Variants in PMFBP1 observed in about 807,000 individuals in gnomAD.
PMFBP1 encodes polyamine modulated factor 1 binding protein 1, also known as polyamine-modulated factor 1-binding protein 1.
In PMFBP1, 131 loss-of-function variants were observed where a neutral mutation model predicts 137.8. That is an observed-to-expected ratio of 0.95 (90% confidence interval 0.82 to 1.10). The LOEUF (loss-of-function observed/expected upper bound fraction) is 1.10, where lower values mean the gene tolerates loss of function less well. PMFBP1 is among the 50% of genes least tolerant of loss of function. The probability of loss-of-function intolerance (pLI) is 0.00; values close to 1 mark genes in which losing one functional copy is unlikely to be tolerated. For synonymous variants in PMFBP1, 490 were observed against 450.4 expected, an observed-to-expected ratio of 1.09 and a Z score of -1.11; for missense variants, 1,199 against 1,175.4, an observed-to-expected ratio of 1.02 and a Z score of -0.29.
At chr16:72,163,084 G>T (rs2043088047) in intron 3 of PMFBP1, among the ~76,000 whole-genome samples, 1 of 152,212 alleles carries the variant, frequency 6.6e-6, no homozygotes, top group Admixed American at 6.5e-5. Flanking sequence ...ATGAAAAGAG[G>T]CCAGATCCTT....
At chr16:72,183,684 G>A in the PMFBP1 span, among the ~76,000 whole-genome samples, 1 of 151,976 alleles carries the variant, frequency 6.6e-6, no homozygotes, top group Non-Finnish European at 1.5e-5. Flanking sequence ...AATTGGGGTG[G>A]GGGCAACACA....
At chr16:72,140,609 A>C (rs1446019805) in intron 5 of PMFBP1, 27 bp from the exon 6 acceptor site, 13 of 1,597,878 alleles carry the variant, frequency 8.1e-6, no homozygotes, top group Non-Finnish European at 1.1e-5. Flanking sequence ...TAATGGGTTG[A>C]TTTTGCTTAT....
the PMFBP1 span, among the ~76,000 whole-genome samples, chr16:72,188,391 C>T: frequency 3.3e-5 from 5 of 152,238 alleles, no homozygotes; most frequent in South Asian, 2.1e-4. Context: ...TTCTCTCTTA[C>T]GTGCTCCCTA....
chr16:72,170,170 T>A (rs72791112), intron 2 of PMFBP1, among the ~76,000 whole-genome samples: 19,057 of 151,508 alleles, frequency 0.13, 1,641 homozygotes, highest in South Asian at 0.18. Context: ...ATATTGAAGG[T>A]GCTCCAAAGA....
intron 7 of PMFBP1, among the ~76,000 whole-genome samples, chr16:72,137,455 G>A (rs1418491835): frequency 1.3e-5 from 2 of 152,214 alleles, no homozygotes; most frequent in Non-Finnish European, 2.9e-5. Flanking sequence ...GGCATGGGCG[G>A]GGGAGGCGCA....
At chr16:72,206,723 C>T in the PMFBP1 span, among the ~76,000 whole-genome samples, 29 of 152,230 alleles carry the variant, frequency 1.9e-4, no homozygotes, top group African/African-American at 6.7e-4. Context: ...CGCTTCCCGG[C>T]GCACTGCTTT....
chr16:72,187,348 C>T, the PMFBP1 span, among the ~76,000 whole-genome samples: 34 of 152,100 alleles, frequency 2.2e-4, no homozygotes, highest in African/African-American at 8.0e-4. Context: ...TGGGTTAAAG[C>T]TGTCTGGGGT....
chr16:72,150,583 T>C (rs199714620), intron 5 of PMFBP1, 25 bp downstream of exon 5: 1 of 1,607,662 alleles, frequency 6.2e-7, no homozygotes, highest in East Asian at 2.2e-5. Context: ...CTTGCCTGGA[T>C]TGAATGGCCT....
downstream of PMFBP1, among the ~76,000 whole-genome samples, chr16:72,118,683 A>G (rs1189590407): frequency 6.6e-6 from 1 of 152,174 alleles, no homozygotes. Context: ...GTCATAATGG[A>G]ATTTCACTTG....
upstream of PMFBP1, among the ~76,000 whole-genome samples, chr16:72,174,545 G>C (rs1316236513): frequency 6.6e-6 from 1 of 152,182 alleles, no homozygotes; most frequent in African/African-American, 2.4e-5. Context: ...TAGGCCACAT[G>C]TACTAGTATT....
At chr16:72,239,938 G>A in the PMFBP1 span, among the ~76,000 whole-genome samples, 4 of 149,034 alleles carry the variant, frequency 2.7e-5, no homozygotes, top group African/African-American at 9.9e-5. Context: ...GTTGTCATTA[G>A]GTGTTTGTGA....
At chr16:72,222,871 T>C in the PMFBP1 span, among the ~76,000 whole-genome samples, 1 of 152,210 alleles carries the variant, frequency 6.6e-6, no homozygotes, top group African/African-American at 2.4e-5. Flanking sequence ...AAAGGTGACA[T>C]TTAAGTTGAC....
At chr16:72,211,736 T>C in the PMFBP1 span, among the ~76,000 whole-genome samples, 1 of 152,214 alleles carries the variant, frequency 6.6e-6, no homozygotes, top group Admixed American at 6.5e-5. Context: ...GGCTCATGCC[T>C]GTAATCCCAG....
intron 4 of PMFBP1, among the ~76,000 whole-genome samples, chr16:72,153,651 G>GA (rs776425564): frequency 6.6e-6 from 1 of 150,950 alleles, no homozygotes; most frequent in East Asian, 1.9e-4. Flanking sequence ...ACATGAATGG[G>GA]AATTAATGTC....
the PMFBP1 span, among the ~76,000 whole-genome samples, chr16:72,197,493 CG>C: frequency 6.6e-6 from 1 of 152,178 alleles, no homozygotes; most frequent in Non-Finnish European, 1.5e-5. Flanking sequence ...TGGGGGTACC[CG>C]GGGCTCCATG....
chr16:72,193,129 G>A, the PMFBP1 span, among the ~76,000 whole-genome samples: 1 of 152,246 alleles, frequency 6.6e-6, no homozygotes, highest in South Asian at 2.1e-4. Flanking sequence ...GGTCGCGCCT[G>A]TAATCCCAGC....
chr16:72,224,458 A>C, the PMFBP1 span: 1 of 152,364 alleles, frequency 6.6e-6, no homozygotes, highest in South Asian at 2.1e-4. Flanking sequence ...ATCTGGCCAC[A>C]ATTGATCTTT....
chr16:72,210,314 GA>G, the PMFBP1 span, among the ~76,000 whole-genome samples: 1 of 152,200 alleles, frequency 6.6e-6, no homozygotes, highest in Non-Finnish European at 1.5e-5. Flanking sequence ...ATGACTTATA[GA>G]GAGCAAAAGC....
chr16:72,205,783 C>A, the PMFBP1 span, among the ~76,000 whole-genome samples: 2 of 152,148 alleles, frequency 1.3e-5, no homozygotes, highest in Non-Finnish European at 1.5e-5. Context: ...CTCTGCTGCA[C>A]ACTCATATTT....
Sources: allele counts gnomAD v4.1 joint callset (sites outside exome capture counted in the v4.1 genomes callset), GRCh38; gene constraint gnomAD v4.1.1; transcripts MANE v1.5; gene names NCBI Gene and HGNC (gene_info 2026-07-23, HGNC 2026-07-21).